ACSM3: variants seen among roughly 807,000 people sequenced by gnomAD.
The protein encoded by ACSM3 is acyl-CoA synthetase medium chain family member 3.
Under a neutral mutation model 74.1 loss-of-function variants are expected in ACSM3, and 61 were observed. That is an observed-to-expected ratio of 0.82 (90% CI 0.67 to 1.02). The LOEUF (loss-of-function observed/expected upper bound fraction) is 1.02. Ranked by LOEUF, ACSM3 falls within the 50% of genes least tolerant of loss-of-function variation. ACSM3 has a pLI of 0.00. For missense variants in ACSM3, 660 were observed against 697.0 expected (o/e 0.95, Z 0.60); for synonymous variants, 213 against 241.5 (o/e 0.88, Z 1.09).
At chr16:20,732,026 C>T (rs1051687806) in intron 1 of ACSM3, among the ~76,000 whole-genome samples, 48 of 152,124 alleles carry the variant, frequency 3.2e-4, no homozygotes, top group African/African-American at 1.2e-3. Context: ...GGCCAACTGC[C>T]TTGTTTTTAG....
At chr16:20,735,713 A>C (rs1019589904) in intron 1 of ACSM3, 1 of 152,154 alleles carries the variant, frequency 6.6e-6, no homozygotes, top group Non-Finnish European at 1.5e-5. Flanking sequence ...TACAAATCTT[A>C]CAAATGCTAC....
chr16:20,738,211 T>C (rs1481482392), intron 1 of ACSM3: 1 of 524,012 alleles, frequency 1.9e-6, no homozygotes, highest in Non-Finnish European at 3.7e-6. Context: ...GTAGACACCG[T>C]TGTTAACATT....
At chr16:20,763,431 G>A (rs1238491523), upstream of ACSM3, among the ~76,000 whole-genome samples, 1 of 152,210 alleles carries the variant, frequency 6.6e-6, no homozygotes, top group Non-Finnish European at 1.5e-5. Context: ...AGGCAAGTGT[G>A]TTTGAGAAAA....
At chr16:20,733,078 T>C (rs936891358) in intron 1 of ACSM3, 2 of 152,840 alleles carry the variant, frequency 1.3e-5, no homozygotes, top group African/African-American at 4.8e-5. Context: ...TCTTAAAATG[T>C]TTAAGATCCT....
At chr16:20,701,622 C>T (rs1191095081) in intron 1 of ACSM3, among the ~76,000 whole-genome samples, 2 of 152,094 alleles carry the variant, frequency 1.3e-5, no homozygotes, top group Non-Finnish European at 2.9e-5. Context: ...TTTGCCGCAC[C>T]TATCAATCCG....
intron 7 of ACSM3, among the ~76,000 whole-genome samples, chr16:20,783,095 C>T (rs1234399773): frequency 6.6e-6 from 1 of 152,192 alleles, no homozygotes; most frequent in African/African-American, 2.4e-5. Context: ...CTGTTCCTGG[C>T]TTAGTCTTTC....
intron 4 of ACSM3, chr16:20,780,373 C>A: frequency 2.3e-6 from 1 of 435,202 alleles, no homozygotes; most frequent in South Asian, 3.0e-5. Context: ...AAAATTCTTC[C>A]TTATCCATGA....
chr16:20,686,105 T>C (rs1181605700), intron 1 of ACSM3, among the ~76,000 whole-genome samples: 1 of 152,152 alleles, frequency 6.6e-6, no homozygotes, highest in African/African-American at 2.4e-5. Flanking sequence ...GTTATTTACA[T>C]AAAGCATGTA....
At chr16:20,684,154 G>GGA (rs2079504881) in intron 1 of ACSM3, among the ~76,000 whole-genome samples, 1 of 152,086 alleles carries the variant, frequency 6.6e-6, no homozygotes, top group African/African-American at 2.4e-5. Context: ...AAGGGGAAGG[G>GGA]AAATCTCTAC....
intron 1 of ACSM3, among the ~76,000 whole-genome samples, chr16:20,722,940 T>G (rs1463868915): frequency 6.6e-6 from 1 of 152,228 alleles, no homozygotes; most frequent in Non-Finnish European, 1.5e-5. Flanking sequence ...GTGCACAACG[T>G]GCAGGTTTGT....
At chr16:20,715,047 AATAG>A (rs2079756658) in intron 1 of ACSM3, among the ~76,000 whole-genome samples, 2 of 152,188 alleles carry the variant, frequency 1.3e-5, no homozygotes, top group South Asian at 2.1e-4. Context: ...TAAGTAGGTA[AATAG>A]ATAGACAGAT....
In ACSM3 at chr16:20,786,275, G is replaced by A. The variant is rs368200327; in HGVS notation, c.1224+117G>A. On this transcript the variant is annotated intron_variant, in intron 9 of 13. Transcript: ENST00000289416. ...GATGGTGATTCCATTTTACTTCCATGATACTTTAATTTTTATAAATATGTG... is the reference window on the plus strand; with the variant it reads ...GATGGTGATTCCATTTTACTTCCATAATACTTTAATTTTTATAAATATGTG... The A allele has an allele frequency of 1.7e-3, 2,502 of 1,444,752 alleles. 4 individuals are homozygous for A. The highest frequency in any genetic ancestry group is 2.1e-3 in the Non-Finnish European group (2,316 of 1,093,138). The allele number at this position is 1,444,752 out of a possible 1,614,324, so 89.5% of individuals were successfully genotyped here.
rs916650255 is a variant in ACSM3, at chr16:20,682,292, C to T, written c.-190+7470C>T. 11 of 1,613,572 alleles carry T rather than the reference C, an allele frequency of 6.8e-6. No homozygotes were observed. In the Admixed American group the frequency reaches 1.8e-4, roughly 27 times the overall value. On this transcript the variant is annotated intron_variant, in intron 1 of 3. Transcript: ENST00000561584. ...TCGGAAGTCCAGCCACCCTTCACGG[C>T]TGTGATCAGACACCAGGAGCTTGGT...
intron 1 of ACSM3, chr16:20,737,572 T>C: frequency 1.1e-6 from 1 of 910,290 alleles, no homozygotes; most frequent in Admixed American, 3.5e-5. Flanking sequence ...GTTGATTTAA[T>C]ACTATTTTAA....
chr16:20,773,479 T>C (rs910279070), intron 2 of ACSM3, among the ~76,000 whole-genome samples: 2 of 152,218 alleles, frequency 1.3e-5, no homozygotes, highest in African/African-American at 2.4e-5. Flanking sequence ...GCTTGTTTGA[T>C]ATAGGTGTTT....
At chr16:20,712,877 C>G (rs564551082) in intron 1 of ACSM3, among the ~76,000 whole-genome samples, 2 of 150,728 alleles carry the variant, frequency 1.3e-5, no homozygotes, top group African/African-American at 4.9e-5. Flanking sequence ...GGCACCATTG[C>G]ACTCCAGCCC....
Position 20,780,833 on chromosome 16 carries a change from G to A in ACSM3, c.758G>A (p.Gly253Asp). The change falls in exon 5 of 14, where the codon GGT becomes GAT. Residue 253 changes from glycine (G) to aspartate (D), a missense_variant. Transcript: ENST00000289416. ...ACTGCACACACCCACAGCAGTTTTG[G>A]TTTAGGATTATCTGTAAATGGAAGG... ...KMTAHTHSSFGLGLSVNGRFW... is the reference protein window; with the variant it reads ...KMTAHTHSSFDLGLSVNGRFW... 1.9e-6 allele frequency: 3 copies of A among 1,614,228 alleles called. No homozygotes were observed. The highest frequency in any genetic ancestry group is 2.5e-6 in the Non-Finnish European group (3 of 1,180,034).
At chr16:20,786,353 T>C (rs1331736306) in intron 9 of ACSM3, 195 bp downstream of exon 9, 2 of 1,145,294 alleles carry the variant, frequency 1.7e-6, no homozygotes, top group African/African-American at 3.2e-5. Flanking sequence ...CAAATACCCA[T>C]ATTGTACCAT....
At chr16:20,787,918 C>T (rs2080509466) in intron 9 of ACSM3, among the ~76,000 whole-genome samples, 1 of 152,178 alleles carries the variant, frequency 6.6e-6, no homozygotes, top group African/African-American at 2.4e-5. Flanking sequence ...CCGACAACCC[C>T]TCACCACTTC....
Sources: allele counts gnomAD v4.1 joint callset (sites outside exome capture counted in the v4.1 genomes callset), GRCh38; gene constraint gnomAD v4.1.1; transcripts MANE v1.5; gene names NCBI Gene and HGNC (gene_info 2026-07-23, HGNC 2026-07-21).